The following RPS6KC1 variants were observed in gnomAD, a reference collection of about 807,000 sequenced individuals.
RPS6KC1 encodes the protein inactive ribosomal protein S6 kinase delta-1.
A neutral mutation model predicts 103.8 loss-of-function variants in RPS6KC1; 54 were observed. The observed-to-expected ratio is 0.52, with a 90% CI of 0.42 to 0.65. The LOEUF is 0.65. Among genes scored for constraint, RPS6KC1 ranks in the 30% least tolerant of loss-of-function variants. RPS6KC1 has a pLI of 0.00. For missense variants in RPS6KC1, 1,151 were observed against 1,253.8 expected, an observed-to-expected ratio of 0.92 and a Z score of 1.24; for synonymous variants, 439 against 438.7, an observed-to-expected ratio of 1.00 and a Z score of -0.01.
At chr1:213,182,559 A>G (rs2092320532) in intron 8 of RPS6KC1, among the ~76,000 whole-genome samples, 2 of 152,002 alleles carry the variant, frequency 1.3e-5, no homozygotes, top group Non-Finnish European at 2.9e-5. Flanking sequence ...ACCCACAAAA[A>G]TTCAGGAAAA....
intron 4 of RPS6KC1, among the ~76,000 whole-genome samples, chr1:213,107,387 A>G (rs973945328): frequency 9.2e-5 from 14 of 152,326 alleles, no homozygotes; most frequent in Admixed American, 8.5e-4. Flanking sequence ...ATGGAATTAC[A>G]CAATATATGT....
intron 8 of RPS6KC1, among the ~76,000 whole-genome samples, chr1:213,191,752 T>C (rs1414465964): frequency 2.0e-5 from 3 of 152,104 alleles, no homozygotes; most frequent in Admixed American, 6.6e-5. Context: ...TTTTCCCCCA[T>C]TCAGTGTGAT....
At chr1:213,092,040 T>C (rs2081014168) in intron 3 of RPS6KC1, among the ~76,000 whole-genome samples, 1 of 152,170 alleles carries the variant, frequency 6.6e-6, no homozygotes, top group Admixed American at 6.5e-5. Context: ...TTGGTGCTGT[T>C]GCCTTGATTT....
At chr1:213,848,288 C>T in the RPS6KC1 span, among the ~76,000 whole-genome samples, 1 of 152,074 alleles carries the variant, frequency 6.6e-6, no homozygotes, top group Non-Finnish European at 1.5e-5. Context: ...TACACCATAT[C>T]ATTCATTCCT....
the RPS6KC1 span, among the ~76,000 whole-genome samples, chr1:213,435,959 C>G: frequency 1.3e-5 from 2 of 152,112 alleles, no homozygotes; most frequent in Non-Finnish European, 2.9e-5. Context: ...TGAGTTCTCT[C>G]CCTGCTGCAC....
chr1:213,208,366 T>A (rs746880880), intron 8 of RPS6KC1, among the ~76,000 whole-genome samples: 1 of 152,238 alleles, frequency 6.6e-6, no homozygotes, highest in Admixed American at 6.5e-5. Flanking sequence ...CCTGATTCTT[T>A]GTATGTGACT....
At chr1:213,496,689 C>T in the RPS6KC1 span, among the ~76,000 whole-genome samples, 15 of 151,968 alleles carry the variant, frequency 9.9e-5, no homozygotes, top group Non-Finnish European at 1.8e-4. Flanking sequence ...ACCCAGGAGG[C>T]GGAGGTTTCA....
At chr1:213,432,059 C>T in the RPS6KC1 span, among the ~76,000 whole-genome samples, 1 of 152,274 alleles carries the variant, frequency 6.6e-6, no homozygotes, top group Non-Finnish European at 1.5e-5. Flanking sequence ...CAGTGATCAC[C>T]TTTTCATGTG....
the RPS6KC1 span, among the ~76,000 whole-genome samples, chr1:213,640,575 G>T: frequency 6.6e-6 from 1 of 151,520 alleles, no homozygotes; most frequent in Admixed American, 6.6e-5. Context: ...ACGGCTTTAG[G>T]TTAGTCCCAT....
At position 213,241,308 on chromosome 1, in the gene RPS6KC1, A is replaced by G. The variant is rs769681037; in HGVS notation, c.1832A>G (p.Glu611Gly). 5 of 1,614,006 alleles carry G rather than the reference A, an allele frequency of 3.1e-6. No homozygotes were observed. In the South Asian group the frequency reaches 4.4e-5, roughly 14 times the overall value. ...ATAGACAGTAAGGATAGCGCAAGTG[A>G]ACTCCTGGGACTTGACTTTGGAGAA... ...FRIDSKDSAS[E>G]LLGLDFGEKL... Residue 611 changes from glutamate (E) to glycine (G), a missense_variant, in exon 11 of 15, where the codon GAA becomes GGA. Physicochemically the swap from Glu to Gly is moderately conservative, Grantham distance 98. Coordinates refer to ENST00000366960, the MANE Select transcript of RPS6KC1 (RefSeq NM_012424.6).
chr1:213,683,059 A>C, the RPS6KC1 span, among the ~76,000 whole-genome samples: 6 of 152,234 alleles, frequency 3.9e-5, no homozygotes, highest in African/African-American at 1.4e-4. Flanking sequence ...CAATTAGATC[A>C]TGTCTCATTT....
the RPS6KC1 span, among the ~76,000 whole-genome samples, chr1:213,600,845 G>A: frequency 6.6e-6 from 1 of 152,190 alleles, no homozygotes; most frequent in Non-Finnish European, 1.5e-5. Context: ...GCCACTCAGT[G>A]GTATTTGTTA....
intron 5 of RPS6KC1, among the ~76,000 whole-genome samples, chr1:213,124,700 C>T (rs753499966): frequency 6.6e-6 from 1 of 152,024 alleles, no homozygotes; most frequent in African/African-American, 2.4e-5. Context: ...TTATCTTCCT[C>T]GAGCTGGCCG....
At chr1:213,664,099 GCTCCC>G in the RPS6KC1 span, among the ~76,000 whole-genome samples, 3,646 of 150,714 alleles carry the variant, frequency 0.024, 120 homozygotes, top group East Asian at 0.14. Flanking sequence ...CCTGCACCCA[GCTCCC>G]TGCAGCACAC....
chr1:213,317,759 C>G, the RPS6KC1 span, among the ~76,000 whole-genome samples: 1 of 152,234 alleles, frequency 6.6e-6, no homozygotes, highest in African/African-American at 2.4e-5. Flanking sequence ...TGTTATTGGT[C>G]ATACTGAGGC....
At chr1:213,654,887 T>C in the RPS6KC1 span, among the ~76,000 whole-genome samples, 1 of 152,186 alleles carries the variant, frequency 6.6e-6, no homozygotes, top group Admixed American at 6.5e-5. Context: ...TCGACTTCAT[T>C]TCAAGAGATG....
the RPS6KC1 span, among the ~76,000 whole-genome samples, chr1:213,706,284 C>A: frequency 2.0e-5 from 3 of 152,300 alleles, no homozygotes; most frequent in South Asian, 6.2e-4. Context: ...GCTGATTCCC[C>A]TCTGGCTAGG....
chr1:213,558,751 A>G, the RPS6KC1 span, among the ~76,000 whole-genome samples: 16 of 152,314 alleles, frequency 1.1e-4, no homozygotes, highest in East Asian at 2.5e-3. Context: ...TGTTGTGCCA[A>G]TCACTGAGTT....
the RPS6KC1 span, among the ~76,000 whole-genome samples, chr1:213,691,412 G>A: frequency 6.6e-6 from 1 of 152,280 alleles, no homozygotes; most frequent in South Asian, 2.1e-4. Flanking sequence ...TGTACATTAC[G>A]CATTTGTGCA....
Sources: gnomAD v4.1 joint callset for allele counts (sites outside exome capture counted in the v4.1 genomes callset) on GRCh38, gnomAD v4.1.1 for gene constraint, MANE v1.5 for transcripts, NCBI Gene and HGNC (gene_info 2026-07-23, HGNC 2026-07-21) for gene names.